The following PLXDC1 variants were observed in gnomAD, a reference collection of about 807,000 sequenced individuals.
PLXDC1 encodes the protein plexin domain-containing protein 1.
PLXDC1 carries 39 observed loss-of-function variants against 61.3 expected under a neutral mutation model. The ratio of observed to expected loss-of-function variants is 0.64; its 90% CI spans 0.49 to 0.83. The LOEUF (loss-of-function observed/expected upper bound fraction) is 0.83. PLXDC1 is among the 40% of genes least tolerant of loss of function. The probability of loss-of-function intolerance (pLI) is 0.00; values close to 1 mark genes in which losing one functional copy is unlikely to be tolerated. For synonymous variants in PLXDC1, 212 were observed against 254.5 expected (o/e 0.83, Z 1.59); for missense variants, 596 against 666.5 (o/e 0.89, Z 1.17).
At chr17:39,073,765 A>C (rs1400594102) in intron 11 of PLXDC1, among the ~76,000 whole-genome samples, 4 of 152,256 alleles carry the variant, frequency 2.6e-5, no homozygotes, top group Non-Finnish European at 5.9e-5. Context: ...TCTTGTGGCT[A>C]TCAAGGTGTT....
intron 10 of PLXDC1, 123 bp from the exon 11 acceptor site, chr17:39,078,171 G>A (rs1471941866): frequency 1.1e-6 from 1 of 924,926 alleles, no homozygotes; most frequent in Non-Finnish European, 1.6e-6. Context: ...CAAGGAAGGG[G>A]CTGAGATGCC....
At chr17:39,115,041 C>T (rs1013735115) in intron 2 of PLXDC1, among the ~76,000 whole-genome samples, 3 of 152,318 alleles carry the variant, frequency 2.0e-5, no homozygotes, top group African/African-American at 4.8e-5. Flanking sequence ...GCCCGTTGCT[C>T]GGAGTTCTCT....
intron 7 of PLXDC1, among the ~76,000 whole-genome samples, chr17:39,094,269 C>A (rs914192081): frequency 6.6e-6 from 1 of 152,098 alleles, no homozygotes. Context: ...CTCATTACTC[C>A]CAGGGGCCAT....
At chr17:39,134,222 A>C (rs1030845267) in intron 2 of PLXDC1, among the ~76,000 whole-genome samples, 69 of 151,100 alleles carry the variant, frequency 4.6e-4, no homozygotes, top group South Asian at 2.1e-3. Flanking sequence ...CCACTGCACT[A>C]CAGCCTGGGC....
At chr17:39,116,408 T>G (rs1910966597) in intron 2 of PLXDC1, among the ~76,000 whole-genome samples, 1 of 152,168 alleles carries the variant, frequency 6.6e-6, no homozygotes, top group Admixed American at 6.5e-5. Flanking sequence ...GCTTGCCAAA[T>G]GAGCTGAATC....
chr17:39,095,354 A>G (rs1910117236), intron 7 of PLXDC1, among the ~76,000 whole-genome samples: 1 of 124,720 alleles, frequency 8.0e-6, no homozygotes, highest in Non-Finnish European at 1.7e-5. Context: ...TAATAAAAGA[A>G]TCCTTACGCC....
At chr17:39,129,046 G>A (rs547033636) in intron 2 of PLXDC1, among the ~76,000 whole-genome samples, 109 of 146,282 alleles carry the variant, frequency 7.5e-4, no homozygotes, top group African/African-American at 2.5e-3. Flanking sequence ...TGCCAGATGC[G>A]GTGGTGCACG....
intron 7 of PLXDC1, among the ~76,000 whole-genome samples, chr17:39,100,037 G>A (rs371829453): frequency 2.0e-5 from 3 of 152,062 alleles, no homozygotes; most frequent in African/African-American, 4.8e-5. Context: ...CTTTTGTCTC[G>A]CTTGCCTGCT....
At chr17:39,109,585 G>A (rs1910724193) in intron 2 of PLXDC1, among the ~76,000 whole-genome samples, 194 bp from the exon 3 acceptor site, 1 of 152,166 alleles carries the variant, frequency 6.6e-6, no homozygotes, top group South Asian at 2.1e-4. Context: ...CAGCTCACTA[G>A]CTGGCCCCTA....
Position 39,067,598 on chromosome 17 carries a change from T to C in PLXDC1, c.*242A>G. Reference sequence around the variant, plus strand: ...GGTTACAAGACACAGAAGAGAACCCTTGCATCAAAACAGGATGAGATTAGG... The same window carrying C: ...GGTTACAAGACACAGAAGAGAACCCCTGCATCAAAACAGGATGAGATTAGG... On this transcript the variant is annotated 3_prime_UTR_variant, in exon 14 of 14. Coordinates refer to ENST00000315392, the MANE Select transcript of PLXDC1 (RefSeq NM_020405.5). 1 of 440,214 alleles carries C rather than the reference T, an allele frequency of 2.3e-6. No homozygotes were observed. Among genetic ancestry groups the C allele is most frequent in the Non-Finnish European group, 4.1e-6 (1 of 245,416 alleles). The allele number at this position is 440,214 out of a possible 1,614,324, so 27.3% of individuals were successfully genotyped here.
Position 39,102,511 on chromosome 17 carries a change from G to A in PLXDC1, c.811+3343C>T, listed in dbSNP as rs143527016. Among the ~76,000 whole-genome samples, 299 of 152,088 alleles carry A rather than the reference G, an allele frequency of 2.0e-3. 5 individuals are homozygous for A. In the East Asian group the frequency reaches 0.043, roughly 22 times the overall value. On this transcript the variant is annotated intron_variant, in intron 7 of 13. Coordinates refer to ENST00000315392, the MANE Select transcript of PLXDC1 (RefSeq NM_020405.5). ...CATGAAAGTACCTACTGTATTATTTGTTATAGCCCAAGATTTAAAACAACT... is the reference window on the plus strand; with the variant it reads ...CATGAAAGTACCTACTGTATTATTTATTATAGCCCAAGATTTAAAACAACT...
intron 9 of PLXDC1, among the ~76,000 whole-genome samples, chr17:39,081,671 A>G (rs1490451910): frequency 6.8e-6 from 1 of 146,830 alleles, no homozygotes; most frequent in African/African-American, 2.5e-5. Context: ...GCCTGGGTGC[A>G]GTGGCTCACA....
chr17:39,150,341 CTG>C (rs1371102607), intron 1 of PLXDC1, among the ~76,000 whole-genome samples: 1 of 152,208 alleles, frequency 6.6e-6, no homozygotes, highest in Admixed American at 6.5e-5. Flanking sequence ...GCCACTGACA[CTG>C]TGCCTGGTGC....
chr17:39,100,617 T>C (rs1218943970), intron 7 of PLXDC1, among the ~76,000 whole-genome samples: 1 of 152,250 alleles, frequency 6.6e-6, no homozygotes, highest in Non-Finnish European at 1.5e-5. Flanking sequence ...GGCTGAATTG[T>C]GCTTTGCTTC....
rs768337615 is a variant in PLXDC1 at position 39,067,790 on chromosome 17, A to G, written c.*50T>C. On this transcript the variant is annotated 3_prime_UTR_variant, in exon 14 of 14. Coordinates refer to ENST00000315392, the MANE Select transcript of PLXDC1 (RefSeq NM_020405.5). ...AAAAGTCACTTCTCTTCTTTGCTTT[A>G]ACTGTCTTTTCTGTGGCCTCAAAGT... The G allele has an allele frequency of 1.6e-5, 25 of 1,563,576 alleles. No homozygotes were observed. Among genetic ancestry groups the G allele is most frequent in the Non-Finnish European group, 2.2e-5 (25 of 1,145,362 alleles).
At chr17:39,122,761 T>A (rs756702085) in intron 2 of PLXDC1, among the ~76,000 whole-genome samples, 2 of 152,244 alleles carry the variant, frequency 1.3e-5, no homozygotes, top group Non-Finnish European at 2.9e-5. Flanking sequence ...AATGGAATGA[T>A]GTTTCCTTGA....
chr17:39,104,521 C>T (rs1252196907), intron 7 of PLXDC1, among the ~76,000 whole-genome samples: 4 of 152,136 alleles, frequency 2.6e-5, no homozygotes, highest in Non-Finnish European at 4.4e-5. Context: ...TGGGGGCTGA[C>T]GTCTGTAATC....
intron 7 of PLXDC1, among the ~76,000 whole-genome samples, chr17:39,099,482 G>C (rs1910343966): frequency 6.6e-6 from 1 of 152,162 alleles, no homozygotes; most frequent in South Asian, 2.1e-4. Context: ...GATAGGGAAG[G>C]AAATAAGGCA....
chr17:39,103,573 C>T (rs768616604), intron 7 of PLXDC1, among the ~76,000 whole-genome samples: 1 of 151,842 alleles, frequency 6.6e-6, no homozygotes, highest in Non-Finnish European at 1.5e-5. Flanking sequence ...TGGCTGGGCG[C>T]GGTGGCTGAC....
Sources: gnomAD v4.1 joint callset for allele counts (sites outside exome capture counted in the v4.1 genomes callset) on GRCh38, gnomAD v4.1.1 for gene constraint, MANE v1.5 for transcripts, NCBI Gene and HGNC (gene_info 2026-07-23, HGNC 2026-07-21) for gene names.